The following NYAP2 variants were observed in gnomAD, a reference collection of about 807,000 sequenced individuals.
NYAP2 encodes the protein neuronal tyrosine-phosphorylated phosphoinositide-3-kinase adaptor 2, also known as neuronal tyrosine-phosphorylated phosphoinositide-3-kinase adapter 2.
NYAP2 carries 23 observed loss-of-function variants against 50.4 expected under a neutral mutation model. The observed-to-expected ratio is 0.46, with a 90% CI of 0.33 to 0.65. NYAP2 has a LOEUF of 0.65. Ranked by LOEUF, NYAP2 falls within the 30% of genes least tolerant of loss-of-function variation. The probability of loss-of-function intolerance (pLI) is 0.02; values close to 1 mark genes in which losing one functional copy is unlikely to be tolerated. For synonymous variants in NYAP2, 394 were observed against 365.2 expected (o/e 1.08, Z -0.90); for missense variants, 885 against 861.0 (o/e 1.03, Z -0.35).
intron 3 of NYAP2, among the ~76,000 whole-genome samples, chr2:225,460,888 G>A (rs1226068545): frequency 2.0e-5 from 3 of 151,440 alleles, no homozygotes; most frequent in Non-Finnish European, 2.9e-5. Context: ...AGCTACTCGG[G>A]AGGCTGACGC....
chr2:225,578,821 AATAAAT>A (rs1394304129), intron 4 of NYAP2, among the ~76,000 whole-genome samples: 2 of 152,320 alleles, frequency 1.3e-5, no homozygotes, highest in African/African-American at 4.8e-5. Context: ...ATTAGGACTT[AATAAAT>A]ATAATGTTGT....
the NYAP2 span, among the ~76,000 whole-genome samples, chr2:225,684,664 G>A: frequency 4.1e-4 from 63 of 151,980 alleles, no homozygotes; most frequent in South Asian, 0.013. Flanking sequence ...CGATTCTGCT[G>A]CCTCAGCCTC....
intron 6 of NYAP2, among the ~76,000 whole-genome samples, chr2:225,646,805 A>G (rs1024147624): frequency 6.6e-6 from 1 of 152,142 alleles, no homozygotes; most frequent in Non-Finnish European, 1.5e-5. Context: ...ATGGGTGGTT[A>G]GTGATTTATA....
At chr2:225,585,248 T>C (rs1393334380) in intron 5 of NYAP2, among the ~76,000 whole-genome samples, 1 of 152,242 alleles carries the variant, frequency 6.6e-6, no homozygotes, top group East Asian at 1.9e-4. Flanking sequence ...TAATGGGTAT[T>C]GTGAAATTAA....
At chr2:225,512,645 C>CT (rs59734781) in intron 3 of NYAP2, among the ~76,000 whole-genome samples, 44,542 of 145,874 alleles carry the variant, frequency 0.31, 6,910 homozygotes, top group South Asian at 0.47. Flanking sequence ...TCCTTCCTTC[C>CT]TCCCTCCCTT....
chr2:225,446,244 CTCTATATATATATATATATA>C (rs1241307062), intron 3 of NYAP2, among the ~76,000 whole-genome samples: 69 of 112,158 alleles, frequency 6.2e-4, no homozygotes, highest in African/African-American at 2.2e-3. Flanking sequence ...CTCTCTCTCT[CTCTATATATATATATATATA>C]TATATATATA....
intron 3 of NYAP2, among the ~76,000 whole-genome samples, chr2:225,512,766 C>A (rs553619298): frequency 1.5e-5 from 2 of 132,632 alleles, no homozygotes; most frequent in South Asian, 4.7e-4. Flanking sequence ...TTCTTTCTTT[C>A]TCTTTTTCTC....
At chr2:225,409,314 G>A (rs2106119377) in intron 3 of NYAP2, among the ~76,000 whole-genome samples, 1 of 152,068 alleles carries the variant, frequency 6.6e-6, no homozygotes, top group African/African-American at 2.4e-5. Flanking sequence ...CCTTGTGTGT[G>A]TGCATATGCA....
chr2:225,561,959 G>A (rs1186939016), intron 4 of NYAP2, among the ~76,000 whole-genome samples: 1 of 151,794 alleles, frequency 6.6e-6, no homozygotes, highest in East Asian at 1.9e-4. Flanking sequence ...CACTGAATCT[G>A]GCTTCCTGTC....
chr2:225,609,231 C>T lies in NYAP2; in HGVS notation c.1619-17686C>T, dbSNP rs1358586485. On this transcript the variant is annotated intron_variant, in intron 5 of 6. Coordinates refer to ENST00000636099, the Ensembl canonical transcript of NYAP2. ...AATACTTGTAATCTGAATGAACAAA[C>T]CGAGGATAGGATGGATCCAAGACAG... 5.3e-5 allele frequency among the ~76,000 whole-genome samples: 8 copies of T among 152,162 alleles called. No individual in the cohort carries two copies. In the East Asian group the frequency reaches 1.5e-3, roughly 29 times the overall value.
At chr2:225,565,586 A>G (rs1052295057) in intron 4 of NYAP2, among the ~76,000 whole-genome samples, 2 of 152,214 alleles carry the variant, frequency 1.3e-5, no homozygotes, top group African/African-American at 4.8e-5. Flanking sequence ...GTAAAAGCAT[A>G]TGCTCTCCTA....
intron 4 of NYAP2, among the ~76,000 whole-genome samples, chr2:225,527,689 G>A (rs183336193): frequency 1.5e-4 from 23 of 151,866 alleles, no homozygotes; most frequent in East Asian, 1.4e-3. Flanking sequence ...TCTCTGTTGC[G>A]CAGGCTGGGG....
At chr2:225,496,389 A>T (rs184751175) in intron 3 of NYAP2, among the ~76,000 whole-genome samples, 1 of 152,200 alleles carries the variant, frequency 6.6e-6, no homozygotes, top group Non-Finnish European at 1.5e-5. Flanking sequence ...ACTGTGTCTC[A>T]TGCATTCCCA....
chr2:225,500,654 T>C (rs1275632507), intron 3 of NYAP2, among the ~76,000 whole-genome samples: 1 of 152,210 alleles, frequency 6.6e-6, no homozygotes, highest in Non-Finnish European at 1.5e-5. Flanking sequence ...AAGAAGCACA[T>C]ATTACAAATG....
intron 5 of NYAP2, among the ~76,000 whole-genome samples, chr2:225,605,354 T>G (rs1303720666): frequency 6.6e-6 from 1 of 152,142 alleles, no homozygotes; most frequent in African/African-American, 2.4e-5. Flanking sequence ...TTAAAAAAAT[T>G]TATAGTCATA....
intron 3 of NYAP2, among the ~76,000 whole-genome samples, chr2:225,504,228 T>C (rs765337251): frequency 1.2e-4 from 18 of 152,158 alleles, no homozygotes; most frequent in Non-Finnish European, 2.1e-4. Context: ...TCTGGTGAGG[T>C]CCTGCTTCGT....
intron 6 of NYAP2, among the ~76,000 whole-genome samples, chr2:225,631,033 A>G (rs1693304695): frequency 1.3e-5 from 2 of 152,224 alleles, no homozygotes; most frequent in South Asian, 4.1e-4. Context: ...TAGAACAGTA[A>G]GACTGGATGA....
At chr2:225,473,791 T>G (rs1690053897) in intron 3 of NYAP2, among the ~76,000 whole-genome samples, 7 of 152,382 alleles carry the variant, frequency 4.6e-5, no homozygotes, top group Admixed American at 4.6e-4. Context: ...TTTCTTTTGC[T>G]GTGCAGAAGC....
intron 3 of NYAP2, among the ~76,000 whole-genome samples, chr2:225,501,275 T>C (rs1225044515): frequency 2.6e-5 from 4 of 152,282 alleles, no homozygotes; most frequent in Non-Finnish European, 5.9e-5. Context: ...AGATCATAAG[T>C]GTATGGACAA....
Sources: gnomAD v4.1 joint callset for allele counts (sites outside exome capture counted in the v4.1 genomes callset) on GRCh38, gnomAD v4.1.1 for gene constraint, MANE v1.5 for transcripts, NCBI Gene and HGNC (gene_info 2026-07-23, HGNC 2026-07-21) for gene names.